Variants in DLGAP2 observed in about 807,000 individuals in gnomAD.
The protein encoded by DLGAP2 is DLG associated protein 2, also known as disks large-associated protein 2.
Under a neutral mutation model 100.3 loss-of-function variants are expected in DLGAP2, and 26 were observed. The observed-to-expected ratio is 0.26, with a 90% CI of 0.19 to 0.36. DLGAP2 has a LOEUF of 0.36. Ranked by LOEUF, DLGAP2 falls within the 10% of genes least tolerant of loss-of-function variation. DLGAP2 has a pLI of 1.00. For missense variants in DLGAP2, 1,858 were observed against 1,453.2 expected, an observed-to-expected ratio of 1.28 and a Z score of -4.53; for synonymous variants, 886 against 630.1, an observed-to-expected ratio of 1.41 and a Z score of -6.08.
chr8:1,213,391 G>A (rs1798146372), intron 2 of DLGAP2, among the ~76,000 whole-genome samples: 1 of 150,714 alleles, frequency 6.6e-6, no homozygotes, highest in African/African-American at 2.5e-5. Context: ...AATCCAGTAT[G>A]TCTCTATTAA....
At chr8:951,990 C>T (rs1584918614) in intron 2 of DLGAP2, among the ~76,000 whole-genome samples, 1 of 152,338 alleles carries the variant, frequency 6.6e-6, no homozygotes, top group Non-Finnish European at 1.5e-5. Flanking sequence ...CTGGTTCCTC[C>T]ACTTGGACTT....
chr8:1,614,804 A>G (rs1199998082), intron 6 of DLGAP2, among the ~76,000 whole-genome samples: 1 of 152,258 alleles, frequency 6.6e-6, no homozygotes, highest in East Asian at 1.9e-4. Context: ...TACAGATGAC[A>G]GCCATGAACT....
At chr8:1,008,133 C>T (rs1801174739) in intron 2 of DLGAP2, among the ~76,000 whole-genome samples, 2 of 152,162 alleles carry the variant, frequency 1.3e-5, no homozygotes, top group African/African-American at 4.8e-5. Context: ...GATCTACCTT[C>T]CCATTTGGAC....
intron 2 of DLGAP2, among the ~76,000 whole-genome samples, chr8:1,126,547 A>G (rs1165145847): frequency 6.6e-6 from 1 of 151,726 alleles, no homozygotes; most frequent in African/African-American, 2.4e-5. Context: ...TCAGGCTGGG[A>G]GATCCTGGTG....
chr8:846,885 C>T (rs754467456), intron 1 of DLGAP2, among the ~76,000 whole-genome samples: 1 of 152,116 alleles, frequency 6.6e-6, no homozygotes, highest in Non-Finnish European at 1.5e-5. Flanking sequence ...GTCTGGCTTG[C>T]TCTTGTTTTG....
intron 1 of DLGAP2, among the ~76,000 whole-genome samples, chr8:894,930 G>C (rs1255642737): frequency 7.2e-6 from 1 of 139,684 alleles, no homozygotes; most frequent in Non-Finnish European, 1.6e-5. Flanking sequence ...GTGGAGTGGC[G>C]GTTGGCAGGG....
chr8:1,377,268 A>G (rs555283772), intron 3 of DLGAP2, among the ~76,000 whole-genome samples: 36 of 152,272 alleles, frequency 2.4e-4, no homozygotes, highest in East Asian at 5.8e-4. Context: ...TCTTCGGCCG[A>G]GCGCAGTGGC....
At chr8:1,022,243 T>C (rs900012995) in intron 2 of DLGAP2, among the ~76,000 whole-genome samples, 5 of 148,530 alleles carry the variant, frequency 3.4e-5, no homozygotes, top group East Asian at 2.0e-4. Context: ...AGGTAGACAC[T>C]CCAGCCGCCA....
At chr8:1,412,783 T>C (rs1796770216) in intron 3 of DLGAP2, among the ~76,000 whole-genome samples, 1 of 152,232 alleles carries the variant, frequency 6.6e-6, no homozygotes, top group Non-Finnish European at 1.5e-5. Flanking sequence ...ATTCTGACTC[T>C]AACATACCCT....
chr8:1,475,345 A>G (rs182154413), intron 3 of DLGAP2, among the ~76,000 whole-genome samples: 27 of 152,270 alleles, frequency 1.8e-4, no homozygotes, highest in African/African-American at 5.5e-4. Flanking sequence ...CCGGGGGAGC[A>G]GGTTTTAGCT....
chr8:1,504,390 C>T (rs759496777), intron 4 of DLGAP2, among the ~76,000 whole-genome samples: 1 of 152,182 alleles, frequency 6.6e-6, no homozygotes, highest in South Asian at 2.1e-4. Context: ...ACATCCTTAT[C>T]ATCACCTTGT....
intron 3 of DLGAP2, among the ~76,000 whole-genome samples, chr8:1,421,738 G>A (rs1193640960): frequency 1.3e-5 from 2 of 152,086 alleles, no homozygotes; most frequent in Admixed American, 6.5e-5. Flanking sequence ...GGCTGAGGTG[G>A]GTGGATCACG....
chr8:1,368,860 C>T (rs991417220), intron 3 of DLGAP2: 5 of 152,220 alleles, frequency 3.3e-5, no homozygotes, highest in African/African-American at 9.6e-5. Context: ...CTGATGCTCT[C>T]CCAGCACAAA....
At chr8:1,683,317 A>G (rs928512056) in intron 12 of DLGAP2, among the ~76,000 whole-genome samples, 1 of 151,498 alleles carries the variant, frequency 6.6e-6, no homozygotes, top group Non-Finnish European at 1.5e-5. Flanking sequence ...AGGAGATTCA[A>G]GAGTCCACGC....
At chr8:1,553,385 G>A (rs556781364) in intron 5 of DLGAP2, among the ~76,000 whole-genome samples, 5 of 152,188 alleles carry the variant, frequency 3.3e-5, no homozygotes, top group South Asian at 2.1e-4. Context: ...AGTTTTATTC[G>A]GCATGTTCAC....
chr8:805,506 C>G (rs945706369), intron 1 of DLGAP2, among the ~76,000 whole-genome samples: 2 of 152,204 alleles, frequency 1.3e-5, no homozygotes, highest in Non-Finnish European at 2.9e-5. Flanking sequence ...TCAGATGGCT[C>G]CCAGCTCGCA....
chr8:866,106 C>A (rs1012593686), intron 1 of DLGAP2, among the ~76,000 whole-genome samples: 1 of 152,152 alleles, frequency 6.6e-6, no homozygotes, highest in African/African-American at 2.4e-5. Flanking sequence ...ATCTCAGGCA[C>A]AGTGGCGGGC....
intron 1 of DLGAP2, among the ~76,000 whole-genome samples, chr8:842,019 A>G (rs1000337177): frequency 8.5e-5 from 13 of 152,198 alleles, no homozygotes; most frequent in Non-Finnish European, 1.8e-4. Flanking sequence ...GAAGACACCA[A>G]GTACCTTTCT....
chr8:1,240,100 A>C (rs1462427551), intron 2 of DLGAP2, among the ~76,000 whole-genome samples: 2 of 149,648 alleles, frequency 1.3e-5, no homozygotes, highest in African/African-American at 5.0e-5. Context: ...GTTCTCTCAC[A>C]TGGCGCCATG....
Sources: allele counts gnomAD v4.1 joint callset (sites outside exome capture counted in the v4.1 genomes callset), GRCh38; gene constraint gnomAD v4.1.1; transcripts MANE v1.5; gene names NCBI Gene and HGNC (gene_info 2026-07-23, HGNC 2026-07-21).